Variants in PCDHGB5 observed in about 807,000 individuals in gnomAD.
PCDHGB5 encodes protocadherin gamma subfamily B, 5.
PCDHGB5 carries 48 observed loss-of-function variants against 62.9 expected under a neutral mutation model. The ratio of observed to expected loss-of-function variants is 0.76; its 90% confidence interval spans 0.61 to 0.97. The LOEUF is 0.97. Ranked by LOEUF, PCDHGB5 falls within the 50% of genes least tolerant of loss-of-function variation. PCDHGB5 has a pLI of 0.00. For missense variants in PCDHGB5, 1,118 were observed against 1,198.6 expected, an observed-to-expected ratio of 0.93 and a Z score of 0.99; for synonymous variants, 474 against 511.2, an observed-to-expected ratio of 0.93 and a Z score of 0.98.
intron 1 of PCDHGB5, among the ~76,000 whole-genome samples, chr5:141,456,935 C>T (rs894385178): frequency 5.9e-5 from 9 of 152,178 alleles, no homozygotes; most frequent in African/African-American, 2.2e-4. Context: ...TGCACTCCAG[C>T]CTGGGCAACA....
At position 141,417,952 on chromosome 5, in the gene PCDHGB5, G is replaced by C. The variant is rs766243694; in HGVS notation, c.2397+17428G>C. 10 of 1,613,510 alleles carry C rather than the reference G, an allele frequency of 6.2e-6. No individual in the cohort carries two copies. In the African/African-American group the frequency reaches 1.3e-4, roughly 22 times the overall value. On this transcript the variant is annotated intron_variant, in intron 1 of 3. Coordinates refer to ENST00000617380, the MANE Select transcript of PCDHGB5 (RefSeq NM_018925.3). ...CTTTGTTCTACCCCACGCTGTGTGA[G>C]CCGATCCGCTACTCGATTCCGGAGG...
Position 141,399,445 on chromosome 5 carries a change from G to A in PCDHGB5, c.1318G>A (p.Asp440Asn), listed in dbSNP as rs2093810599. 6.2e-7 allele frequency: 1 copy of A among 1,614,032 alleles called. No individual in the cohort carries two copies. The highest frequency in any genetic ancestry group is 8.5e-7 in the Non-Finnish European group (1 of 1,179,892). The change falls in exon 1 of 4, where the codon GAC becomes AAC. Residue 440 changes from aspartate to asparagine, a missense_variant. This residue lies in a region of PCDHGB5 where 1,034 missense variants were observed against 1,029.1 expected (regional missense o/e 1.00). Coordinates refer to ENST00000617380, the MANE Select transcript of PCDHGB5 (RefSeq NM_018925.3). ...CATAAGCGTCATCCTACATATCAGA[G>A]ACGTCAACGATAACGCTCCGGTTTT... is the stretch of plus-strand genomic sequence containing the variant. ...SSISVILHIRDVNDNAPVFHQ... is the reference protein window; with the variant it reads ...SSISVILHIRNVNDNAPVFHQ...
chr5:141,469,962 C>T (rs943032320), intron 1 of PCDHGB5, among the ~76,000 whole-genome samples: 8 of 152,134 alleles, frequency 5.3e-5, no homozygotes, highest in African/African-American at 1.9e-4. Flanking sequence ...GAAACCCCAT[C>T]TGTACCAAAA....
At chr5:141,441,859 G>T in intron 1 of PCDHGB5, 1 of 348,078 alleles carries the variant, frequency 2.9e-6, no homozygotes. Context: ...GGTGCTGCAC[G>T]CCGCGGAGCC....
At chr5:141,418,185 T>C in intron 1 of PCDHGB5, 1 of 1,614,058 alleles carries the variant, frequency 6.2e-7, no homozygotes, top group Non-Finnish European at 8.5e-7. Flanking sequence ...TTGGAAGCTG[T>C]GGTGGAAAAT....
chr5:141,476,336 C>G lies in PCDHGB5; in HGVS notation c.2398-18471C>G, dbSNP rs1228900349. The G allele has an allele frequency of 2.5e-6, 4 of 1,614,008 alleles. No individual in the cohort carries two copies. The highest frequency in any genetic ancestry group is 2.2e-5 in the East Asian group (1 of 44,854). ...GTTCCGGGTGGTGTCTGGAGCTAGC[C>G]GAAGATTCTTTGAGGTGAACCGGGA... On this transcript the variant is annotated intron_variant, in intron 1 of 3. Coordinates refer to ENST00000617380, the MANE Select transcript of PCDHGB5 (RefSeq NM_018925.3). The surrounding 1 kb of genome is among the most constrained non-coding windows in gnomAD (Gnocchi z 7.6).
chr5:141,402,197 A>G (rs1346156119), intron 1 of PCDHGB5, among the ~76,000 whole-genome samples: 5 of 152,132 alleles, frequency 3.3e-5, no homozygotes, highest in Non-Finnish European at 5.9e-5. Context: ...TATTACTTTT[A>G]TAATACAAAA....
chr5:141,423,086 T>TG, intron 1 of PCDHGB5: 1 of 1,613,912 alleles, frequency 6.2e-7, no homozygotes, highest in South Asian at 1.1e-5. Flanking sequence ...CTCTTCGCGG[T>TG]GGGGGAGCAC....
chr5:141,495,469 C>G (rs1398171981), intron 2 of PCDHGB5, among the ~76,000 whole-genome samples: 1 of 152,220 alleles, frequency 6.6e-6, no homozygotes, highest in Non-Finnish European at 1.5e-5. Flanking sequence ...TGTGGGGTCT[C>G]CGTGTCTCTG....
rs751047365 is a variant in PCDHGB5 at position 141,419,570 on chromosome 5, G to C, written c.2397+19046G>C. On this transcript the variant is annotated intron_variant, in intron 1 of 3. Transcript: ENST00000617380. ...GCTGTACCCTGCGCTGGGTCCCGAC[G>C]GCTCCGCGCTCTTCGACACAGTGCC... 5.6e-6 allele frequency: 9 copies of C among 1,611,766 alleles called. No individual in the cohort carries two copies. The South Asian group carries it at 8.8e-5, about 16-fold the overall frequency.
intron 1 of PCDHGB5, chr5:141,408,379 G>C: frequency 6.2e-7 from 1 of 1,614,032 alleles, no homozygotes; most frequent in South Asian, 1.1e-5. Context: ...TCAGTGTCCT[G>C]GATGTGTCGG....
intron 1 of PCDHGB5, chr5:141,408,050 G>C: frequency 7.9e-7 from 1 of 1,259,544 alleles, no homozygotes; most frequent in South Asian, 1.6e-5. Context: ...CCCACACAGA[G>C]CCTCCCGGCT....
chr5:141,441,819 G>A (rs1040935030), intron 1 of PCDHGB5: 6 of 359,092 alleles, frequency 1.7e-5, no homozygotes, highest in Non-Finnish European at 3.3e-5. Context: ...CCCCAGCTCT[G>A]GAGCGCAATG....
In PCDHGB5 at chr5:141,407,982, G is replaced by C. The variant is rs976187867; in HGVS notation, c.2397+7458G>C. On this transcript the variant is annotated intron_variant, in intron 1 of 3. Coordinates refer to ENST00000617380, the MANE Select transcript of PCDHGB5 (RefSeq NM_018925.3). Reference sequence around the variant, plus strand: ...GAGCAAGCGCTGACGCCGGGGATCCGTCAGCCTCTGGCCTGGGATTCCCTG... The same window carrying C: ...GAGCAAGCGCTGACGCCGGGGATCCCTCAGCCTCTGGCCTGGGATTCCCTG... 1.5e-4 allele frequency: 114 copies of C among 783,006 alleles called. 1 individual carries two copies. Among genetic ancestry groups the C allele is most frequent in the African/African-American group, 9.1e-4 (52 of 57,436 alleles). The allele number at this position is 783,006 out of a possible 1,614,324, so 48.5% of individuals were successfully genotyped here.
At chr5:141,470,602 G>A (rs1004044883) in intron 1 of PCDHGB5, among the ~76,000 whole-genome samples, 1 of 152,268 alleles carries the variant, frequency 6.6e-6, no homozygotes, top group South Asian at 2.1e-4. Flanking sequence ...ACCTGTGCGG[G>A]GACACAGGGC....
intron 1 of PCDHGB5, among the ~76,000 whole-genome samples, chr5:141,470,664 G>A (rs1308061207): frequency 6.6e-6 from 1 of 151,882 alleles, no homozygotes; most frequent in Non-Finnish European, 1.5e-5. Context: ...CTTTGGTTAG[G>A]GCTCTGCTGT....
In PCDHGB5 at chr5:141,399,735, T is replaced by A. The variant is rs909521642; in HGVS notation, c.1608T>A (p.Pro536=). ...TACAGGCCCGCGACCAGGGCTCGCC[T>A]GCGCTCAGCGCAAACGTGAGCCTGC... is the stretch of plus-strand genomic sequence containing the variant. ...LTLQARDQGS[P]ALSANVSLRV... is the part of the protein sequence containing the mutation. The change falls in exon 1 of 4, where the codon CCT becomes CCA. Residue 536 remains proline (P), a synonymous_variant. Coordinates refer to ENST00000617380, the MANE Select transcript of PCDHGB5 (RefSeq NM_018925.3). 1 of 1,613,198 alleles carries A rather than the reference T, an allele frequency of 6.2e-7. No individual in the cohort carries two copies. The highest frequency in any genetic ancestry group is 1.3e-5 in the African/African-American group (1 of 74,950).
At position 141,432,782 on chromosome 5, in the gene PCDHGB5, C is replaced by G. The variant is rs547164205; in HGVS notation, c.2397+32258C>G. On this transcript the variant is annotated intron_variant, in intron 1 of 3. Transcript: ENST00000617380. The surrounding 1 kb of genome is among the most constrained non-coding windows in gnomAD (Gnocchi z 6.0). ...CAGCATCCCCCAAGTCCTGGCGGACCTCGGCAGCCTCGAGTCTCCAGCTAA... is the reference window on the plus strand; with the variant it reads ...CAGCATCCCCCAAGTCCTGGCGGACGTCGGCAGCCTCGAGTCTCCAGCTAA... 4.3e-6 allele frequency: 7 copies of G among 1,614,046 alleles called. No individual in the cohort carries two copies. The highest frequency in any genetic ancestry group is 3.3e-4 in the Middle Eastern group (2 of 6,084).
chr5:141,409,102 G>T, intron 1 of PCDHGB5: 2 of 1,613,996 alleles, frequency 1.2e-6, no homozygotes, highest in Non-Finnish European at 8.5e-7. Flanking sequence ...AAACAGGTAT[G>T]ATTAAGAATA....
Sources: allele counts gnomAD v4.1 joint callset (sites outside exome capture counted in the v4.1 genomes callset), GRCh38; gene constraint gnomAD v4.1.1; regional missense constraint gnomAD v4.1.1; non-coding constraint Gnocchi (gnomAD v3.1); transcripts MANE v1.5; gene names NCBI Gene and HGNC (gene_info 2026-07-23, HGNC 2026-07-21).